The following LSM12 variants were observed in gnomAD, a reference collection of about 807,000 sequenced individuals.
The protein encoded by LSM12 is protein LSM12.
For synonymous variants in LSM12, 74 were observed against 87.3 expected (o/e 0.85, Z 0.85); for missense variants, 108 against 238.9 (o/e 0.45, Z 3.61).
chr17:44,036,689 GA>G (rs59987165), intron 4 of LSM12, among the ~76,000 whole-genome samples: 52 of 145,964 alleles, frequency 3.6e-4, no homozygotes, highest in Non-Finnish European at 3.2e-4. Context: ...TTCCTCAGAG[GA>G]AAAAAAAAAA....
intron 2 of LSM12, among the ~76,000 whole-genome samples, chr17:44,054,491 G>C (rs1051015499): frequency 1.3e-5 from 2 of 151,970 alleles, no homozygotes; most frequent in African/African-American, 4.8e-5. Flanking sequence ...TGTATTTTTT[G>C]TACAGACAGG....
At chr17:44,046,759 CTTTTT>C (rs35839029) in intron 2 of LSM12, among the ~76,000 whole-genome samples, 1 of 68,362 alleles carries the variant, frequency 1.5e-5, no homozygotes, top group African/African-American at 5.6e-5. Context: ...TTTTTTTTTT[CTTTTT>C]TTTTTTTTTT....
intron 2 of LSM12, among the ~76,000 whole-genome samples, chr17:44,043,228 G>C (rs2049518845): frequency 6.6e-6 from 1 of 152,266 alleles, no homozygotes; most frequent in Admixed American, 6.5e-5. Context: ...CCGGGTAAGA[G>C]AGGGAAGAAT....
At chr17:44,052,449 C>A (rs1399443930) in intron 2 of LSM12, among the ~76,000 whole-genome samples, 2 of 152,008 alleles carry the variant, frequency 1.3e-5, no homozygotes, top group Non-Finnish European at 2.9e-5. Flanking sequence ...GACAACAGAG[C>A]AAGAACTTGT....
At chr17:44,040,117 G>A (rs774533554) in intron 3 of LSM12, 30 bp downstream of exon 3, 1 of 1,557,934 alleles carries the variant, frequency 6.4e-7, no homozygotes, top group South Asian at 1.1e-5. Flanking sequence ...CATTACCCCA[G>A]GACAAAGGAC....
At chr17:44,040,287 A>T (rs775746787) in intron 2 of LSM12, 31 bp from the exon 3 acceptor site, 122 of 1,531,756 alleles carry the variant, frequency 8.0e-5, no homozygotes, top group Non-Finnish European at 1.1e-4. Context: ...GAGACTCAGA[A>T]TAGGATTCAT....
intron 2 of LSM12, among the ~76,000 whole-genome samples, chr17:44,059,325 A>G (rs988685501): frequency 1.6e-4 from 25 of 152,194 alleles, no homozygotes; most frequent in Non-Finnish European, 4.4e-5. Context: ...GCAGTGGCTC[A>G]CGCCTATAAT....
chr17:44,053,485 C>G (rs2049672474), intron 2 of LSM12, among the ~76,000 whole-genome samples: 1 of 152,138 alleles, frequency 6.6e-6, no homozygotes, highest in African/African-American at 2.4e-5. Flanking sequence ...GCTGCTGTCC[C>G]TCACCACTCC....
chr17:44,063,624 G>C (rs1273491783), intron 2 of LSM12, among the ~76,000 whole-genome samples, 177 bp downstream of exon 2: 1 of 152,062 alleles, frequency 6.6e-6, no homozygotes, highest in African/African-American at 2.4e-5. Flanking sequence ...AAGATCTACT[G>C]ATAACATCCA....
In LSM12 at chr17:44,036,118, G is replaced by A. The variant is rs1350910795; in HGVS notation, c.*90C>T. On this transcript the variant is annotated 3_prime_UTR_variant, in exon 5 of 5. Transcript: ENST00000293406. ...TGTTAAGAGCCAACAGGACATATAG[G>A]ATCCCTTCCCTCCCCCGGCCTGCCT... 1.6e-6 allele frequency: 2 copies of A among 1,212,890 alleles called. No individual in the cohort carries two copies. Among genetic ancestry groups the A allele is most frequent in the South Asian group, 1.3e-5 (1 of 74,962 alleles). The allele number at this position is 1,212,890 out of a possible 1,614,324, so 75.1% of individuals were successfully genotyped here. A position where few individuals can be genotyped will look rare whatever the true frequency, so the allele number is the denominator to read the frequency against.
In LSM12 at chr17:44,040,215, G is replaced by A. The variant is rs774563068; in HGVS notation, c.300C>T (p.Ser100=). The change falls in exon 3 of 5, where the codon AGC becomes AGT. Residue 100 remains serine, a synonymous_variant. Coordinates refer to ENST00000293406, the MANE Select transcript of LSM12 (RefSeq NM_001371445.1). ...KARTEKEEKL[S]QAYAISAGVS... is the part of the protein sequence containing the mutation. Reference sequence around the variant, plus strand: ...CACCAGCACTGATTGCATAGGCCTGGCTCAGCTTCTCCTCCTTCTCTGTCC... The same window carrying A: ...CACCAGCACTGATTGCATAGGCCTGACTCAGCTTCTCCTCCTTCTCTGTCC... 1.9e-6 allele frequency: 3 copies of A among 1,614,018 alleles called. No homozygotes were observed. The highest frequency in any genetic ancestry group is 2.5e-6 in the Non-Finnish European group (3 of 1,179,924).
At chr17:44,049,373 G>A (rs1280983089) in intron 2 of LSM12, among the ~76,000 whole-genome samples, 1 of 152,110 alleles carries the variant, frequency 6.6e-6, no homozygotes, top group East Asian at 1.9e-4. Flanking sequence ...AAACTCCTGG[G>A]CTCAAGCGAT....
intron 2 of LSM12, among the ~76,000 whole-genome samples, chr17:44,051,368 C>A (rs910075421): frequency 4.4e-5 from 6 of 135,876 alleles, no homozygotes; most frequent in Admixed American, 8.2e-5. Flanking sequence ...TTTAGCCTGG[C>A]GACAGAGCGA....
intron 3 of LSM12, among the ~76,000 whole-genome samples, chr17:44,039,781 T>G (rs1196342802): frequency 6.6e-6 from 1 of 152,214 alleles, no homozygotes; most frequent in Non-Finnish European, 1.5e-5. Flanking sequence ...TAACTTTCCC[T>G]TAATAAAAAC....
intron 2 of LSM12, among the ~76,000 whole-genome samples, chr17:44,055,392 T>C (rs930610354): frequency 6.6e-6 from 1 of 150,868 alleles, no homozygotes; most frequent in Non-Finnish European, 1.5e-5. Context: ...CCAGGCACAG[T>C]GGCTCACACC....
rs926117815 is a variant in LSM12 at position 44,035,691 on chromosome 17, A to AG, written c.*516_*517insC. On this transcript the variant is annotated 3_prime_UTR_variant, in exon 5 of 5. Coordinates refer to ENST00000293406, the MANE Select transcript of LSM12 (RefSeq NM_001371445.1). ...CATGCCCTGTGCAAAAAAAAAAAAA[A>AG]AAAGAAAAAAGAAAAAAAAAGGAAA... The AG allele has an allele frequency of 1.6e-4, 22 of 141,602 alleles. No homozygotes were observed. The highest frequency in any genetic ancestry group is 5.1e-4 in the African/African-American group (20 of 39,008). The allele number at this position is 141,602 out of a possible 1,614,324, so 8.8% of individuals were successfully genotyped here.
chr17:44,043,094 T>TG (rs891409885), intron 2 of LSM12, among the ~76,000 whole-genome samples: 4 of 152,126 alleles, frequency 2.6e-5, no homozygotes, highest in African/African-American at 9.7e-5. Flanking sequence ...GGTTTGACTA[T>TG]GAAAAAAAAG....
intron 2 of LSM12, among the ~76,000 whole-genome samples, chr17:44,048,125 G>A (rs1597888749): frequency 6.6e-6 from 1 of 151,604 alleles, no homozygotes; most frequent in Non-Finnish European, 1.5e-5. Context: ...TGTATGTTTT[G>A]CAAATTATTT....
At chr17:44,062,301 C>T (rs894470203) in intron 2 of LSM12, among the ~76,000 whole-genome samples, 5 of 151,266 alleles carry the variant, frequency 3.3e-5, no homozygotes, top group African/African-American at 9.7e-5. Context: ...TAAAAGCATT[C>T]CCCTTTACTC....
Sources: gnomAD v4.1 joint callset for allele counts (sites outside exome capture counted in the v4.1 genomes callset) on GRCh38, gnomAD v4.1.1 for gene constraint, MANE v1.5 for transcripts, NCBI Gene and HGNC (gene_info 2026-07-23, HGNC 2026-07-21) for gene names.